Variants in MDH1B observed in about 807,000 individuals in gnomAD.
The protein encoded by MDH1B is malate dehydrogenase 1B.
In MDH1B, 60 loss-of-function variants were observed where a neutral mutation model predicts 61.4. The observed-to-expected ratio is 0.98, with a 90% confidence interval of 0.79 to 1.21. The LOEUF (loss-of-function observed/expected upper bound fraction) is 1.21, where lower values mean the gene tolerates loss of function less well. Among genes scored for constraint, MDH1B ranks in the 50% most tolerant of loss-of-function variants. MDH1B has a pLI of 0.00. For missense variants in MDH1B, 587 were observed against 632.1 expected (o/e 0.93, Z 0.76); for synonymous variants, 236 against 218.7 (o/e 1.08, Z -0.70).
intron 4 of MDH1B, 35 bp downstream of exon 4, chr2:206,756,863 T>C: frequency 6.2e-7 from 1 of 1,606,604 alleles, no homozygotes; most frequent in Non-Finnish European, 8.5e-7. Flanking sequence ...ATATAAAAAG[T>C]AAATCTCATG....
intron 5 of MDH1B, among the ~76,000 whole-genome samples, chr2:206,752,633 C>T (rs533658652): frequency 4.9e-4 from 75 of 152,202 alleles, no homozygotes; most frequent in African/African-American, 1.7e-3. Context: ...ATATGGTAGG[C>T]TTCCTTCCTA....
chr2:206,756,343 T>C (rs979959904), intron 4 of MDH1B, among the ~76,000 whole-genome samples: 6 of 151,568 alleles, frequency 4.0e-5, no homozygotes, highest in Non-Finnish European at 8.8e-5. Flanking sequence ...GCAGGAAAAG[T>C]GCAAAAGACA....
chr2:206,757,196 G>C (rs1003874383), intron 3 of MDH1B, 41 bp downstream of exon 3: 16 of 1,550,632 alleles, frequency 1.0e-5, no homozygotes, highest in African/African-American at 1.4e-5. Context: ...AATAATGTAA[G>C]AGAATTATCA....
chr2:206,745,730 C>CTTTTTTTTT, intron 8 of MDH1B, 57 bp from the exon 9 acceptor site: 1 of 747,926 alleles, frequency 1.3e-6, no homozygotes, highest in African/African-American at 1.9e-5. Flanking sequence ...CTTAATTCTT[C>CTTTTTTTTT]TTTTTTTTTT....
chr2:206,738,926 AT>A (rs1687649785), intron 11 of MDH1B, among the ~76,000 whole-genome samples: 1 of 152,124 alleles, frequency 6.6e-6, no homozygotes, highest in South Asian at 2.1e-4. Context: ...TGTTCATTTT[AT>A]TGGACATTTA....
At chr2:206,759,079 C>A (rs901855080) in intron 2 of MDH1B, among the ~76,000 whole-genome samples, 1 of 151,626 alleles carries the variant, frequency 6.6e-6, no homozygotes, top group Admixed American at 6.6e-5. Flanking sequence ...ATTTCATCAC[C>A]CAGGTATTCA....
intron 6 of MDH1B, among the ~76,000 whole-genome samples, chr2:206,750,612 T>G (rs577352278): frequency 6.6e-6 from 1 of 152,076 alleles, no homozygotes; most frequent in African/African-American, 2.4e-5. Context: ...ACGTTTCAAT[T>G]AATTTCAACC....
rs767946514 is a variant in MDH1B at position 206,755,356 on chromosome 2, G to T, written c.563C>A (p.Ala188Glu). Residue 188 changes from alanine (A) to glutamate (E), a missense_variant, in exon 5 of 12, where the codon GCA (alanine) becomes GAA (glutamate). Coordinates refer to ENST00000374412, the MANE Select transcript of MDH1B (RefSeq NM_001039845.3). ...KSLVVETQDLASPVLRSVSIC... is the reference protein window; with the variant it reads ...KSLVVETQDLESPVLRSVSIC... ...GGAGACACTGCGCAGGACGGGAGAT[G>T]CCAGGTCTTGGGTCTCCACCACAAG... 2.5e-6 allele frequency: 4 copies of T among 1,614,230 alleles called. No homozygotes were observed. The South Asian group carries it at 4.4e-5, about 18-fold the overall frequency.
chr2:206,760,661 G>T (rs966641201), intron 2 of MDH1B, among the ~76,000 whole-genome samples: 1 of 152,144 alleles, frequency 6.6e-6, no homozygotes, highest in African/African-American at 2.4e-5. Flanking sequence ...TCTTCAGGGG[G>T]TGCAGTCAAA....
Position 206,738,510 on chromosome 2 carries a change from T to G in MDH1B, c.1530A>C (p.Glu510Asp), listed in dbSNP as rs2287631. The change falls in exon 12 of 12, where the codon GAA becomes GAC. Residue 510 changes from glutamate to aspartate, a missense_variant and splice_region_variant. Transcript: ENST00000374412. ...EKPQSLEFLN[E>D]FEGKTVES is the part of the protein sequence containing the mutation. ...AGGATTCCACGGTTTTGCCTTCAAATTCTGTAAAAGGAAAAGAATGAAAAG... is the reference window on the plus strand; with the variant it reads ...AGGATTCCACGGTTTTGCCTTCAAAGTCTGTAAAAGGAAAAGAATGAAAAG... 276,949 of 1,534,596 alleles carry G rather than the reference T, an allele frequency of 0.18. 39,236 individuals carry two copies. The highest frequency in any genetic ancestry group is 0.56 in the East Asian group (24,500 of 43,906).
At chr2:206,760,169 G>C (rs1574649882) in intron 2 of MDH1B, among the ~76,000 whole-genome samples, 1 of 152,084 alleles carries the variant, frequency 6.6e-6, no homozygotes, top group African/African-American at 2.4e-5. Context: ...CTTCACAAAT[G>C]AGGCACTCAC....
intron 4 of MDH1B, among the ~76,000 whole-genome samples, chr2:206,756,462 C>T (rs951151760): frequency 6.6e-6 from 1 of 151,824 alleles, no homozygotes; most frequent in African/African-American, 2.4e-5. Context: ...ACTGCATGTG[C>T]CCAGACTGGG....
intron 2 of MDH1B, among the ~76,000 whole-genome samples, chr2:206,758,194 CT>C (rs1382768198): frequency 6.6e-6 from 1 of 152,208 alleles, no homozygotes; most frequent in Non-Finnish European, 1.5e-5. Flanking sequence ...AAAAAACCTT[CT>C]GCACCCTGCA....
At chr2:206,743,278 G>T (rs1281186622) in intron 9 of MDH1B, among the ~76,000 whole-genome samples, 1 of 152,096 alleles carries the variant, frequency 6.6e-6, no homozygotes, top group African/African-American at 2.4e-5. Flanking sequence ...TATTTTTCAG[G>T]TATCATTTTA....
rs201274607 is a variant in MDH1B, at chr2:206,746,406, C to G, written c.1237G>C (p.Gly413Arg). 9.9e-6 allele frequency: 16 copies of G among 1,613,322 alleles called. No individual in the cohort carries two copies. The Admixed American group carries it at 2.0e-4, about 20-fold the overall frequency. Residue 413 changes from glycine (G) to arginine (R), a missense_variant, in exon 8 of 12, where the codon GGG becomes CGG. By Grantham distance (125) the Gly-to-Arg change is moderately radical. Coordinates refer to ENST00000374412, the MANE Select transcript of MDH1B (RefSeq NM_001039845.3). ...TTCACAGGCATAGAAAAGACGATCC[C>G]TTTCGGAATACCAAACTGGCCTGCA... ...LSEGQFGIPK[G>R]IVFSMPVKFE...
chr2:206,746,260 G>A (rs1476010407), intron 8 of MDH1B, 27 bp downstream of exon 8: 4 of 1,600,172 alleles, frequency 2.5e-6, no homozygotes, highest in Admixed American at 1.7e-5. Flanking sequence ...ATCAAGGTCA[G>A]TCCCCTTGCA....
intron 6 of MDH1B, 94 bp from the exon 7 acceptor site, chr2:206,749,277 C>T: frequency 1.0e-6 from 1 of 998,616 alleles, no homozygotes; most frequent in Non-Finnish European, 1.5e-6. Context: ...TATCAGAAAC[C>T]TAATCCACAG....
intron 1 of MDH1B, among the ~76,000 whole-genome samples, chr2:206,762,299 C>T (rs145503673): frequency 3.9e-4 from 59 of 152,296 alleles, no homozygotes; most frequent in African/African-American, 1.3e-3. Flanking sequence ...AACAAAATGG[C>T]ATTAGTTTGG....
chr2:206,745,435 T>C (rs1688049557), intron 9 of MDH1B, 187 bp downstream of exon 9: 1 of 658,598 alleles, frequency 1.5e-6, no homozygotes, highest in Non-Finnish European at 2.8e-6. Context: ...AGTTGTGTTT[T>C]CTTTAACATT....
Sources: gnomAD v4.1 joint callset for allele counts (sites outside exome capture counted in the v4.1 genomes callset) on GRCh38, gnomAD v4.1.1 for gene constraint, MANE v1.5 for transcripts, NCBI Gene and HGNC (gene_info 2026-07-23, HGNC 2026-07-21) for gene names.